The following PEPD variants were observed in gnomAD, a reference collection of about 807,000 sequenced individuals.
PEPD encodes the protein peptidase D, also known as xaa-Pro dipeptidase.
A neutral mutation model predicts 60.7 loss-of-function variants in PEPD; 53 were observed. That is an observed-to-expected ratio of 0.87 (90% CI 0.70 to 1.10). The LOEUF is 1.10. Among genes scored for constraint, PEPD ranks in the 50% least tolerant of loss-of-function variants. The pLI, the probability that PEPD is intolerant of heterozygous loss-of-function variation, is 0.00. For missense variants in PEPD, 711 were observed against 711.9 expected, an observed-to-expected ratio of 1.00 and a Z score of 0.01; for synonymous variants, 267 against 284.1, an observed-to-expected ratio of 0.94 and a Z score of 0.60.
intron 3 of PEPD, among the ~76,000 whole-genome samples, chr19:33,508,209 G>A (rs751503147): frequency 6.6e-6 from 1 of 152,200 alleles, no homozygotes; most frequent in African/African-American, 2.4e-5. Context: ...AGCCAGCAGT[G>A]AGGGCCATGA....
chr19:33,460,693 A>G (rs4362489), intron 9 of PEPD, among the ~76,000 whole-genome samples: 61,523 of 151,944 alleles, frequency 0.4, 12,978 homozygotes, highest in African/African-American at 0.52. Context: ...AGGTGGGTGC[A>G]CATGGCAGGT....
At chr19:33,459,936 C>T (rs958791487) in intron 9 of PEPD, among the ~76,000 whole-genome samples, 1 of 152,166 alleles carries the variant, frequency 6.6e-6, no homozygotes, top group African/African-American at 2.4e-5. Context: ...TAAGGATGCC[C>T]ACCTTGCTCA....
chr19:33,504,891 C>T (rs2561869), intron 3 of PEPD, among the ~76,000 whole-genome samples: 17,849 of 152,168 alleles, frequency 0.12, 1,414 homozygotes, highest in East Asian at 0.27. Context: ...TCCTCCTACC[C>T]AAAGGGGCTC....
chr19:33,406,340 C>T (rs1020978839), intron 11 of PEPD, among the ~76,000 whole-genome samples: 2 of 152,230 alleles, frequency 1.3e-5, no homozygotes, highest in Admixed American at 1.3e-4. Flanking sequence ...GGGCAGGTGT[C>T]TGCTCATAAC....
At chr19:33,465,166 C>T (rs993090948) in intron 7 of PEPD, among the ~76,000 whole-genome samples, 3 of 152,166 alleles carry the variant, frequency 2.0e-5, no homozygotes, top group African/African-American at 7.2e-5. Flanking sequence ...ACACTTGTTC[C>T]AGAAACCAAG....
intron 9 of PEPD, among the ~76,000 whole-genome samples, chr19:33,446,035 C>T (rs373119561): frequency 6.6e-6 from 1 of 152,166 alleles, no homozygotes; most frequent in African/African-American, 2.4e-5. Flanking sequence ...GCAGCCTGTT[C>T]GGGATTCATT....
rs1970257797 is a variant in PEPD at position 33,478,199 on chromosome 19, A to G, written c.504-109T>C. The stretch of plus-strand genomic sequence containing the variant: ...CGTGATGCATTAAAGAGGGTCCCAC[A>G]CTTTAATTTCATGACTTCCTGACCC... On this transcript the variant is annotated intron_variant, in intron 6 of 14. Transcript: ENST00000244137. The G allele has an allele frequency of 3.9e-6, 3 of 772,166 alleles. No homozygotes were observed. In the South Asian group the frequency reaches 4.4e-5, roughly 11 times the overall value. The allele number at this position is 772,166 out of a possible 1,614,324, so 47.8% of individuals were successfully genotyped here. A position where few individuals can be genotyped will look rare whatever the true frequency, so the allele number is the denominator to read the frequency against.
At chr19:33,490,400 T>C (rs1970476499) in intron 5 of PEPD, among the ~76,000 whole-genome samples, 1 of 152,330 alleles carries the variant, frequency 6.6e-6, no homozygotes, top group South Asian at 2.1e-4. Context: ...AATATAAATC[T>C]GCTCTCCCCA....
At chr19:33,458,851 T>C (rs1330852465) in intron 9 of PEPD, among the ~76,000 whole-genome samples, 1 of 5,944 alleles carries the variant, frequency 1.7e-4, no homozygotes, top group Non-Finnish European at 4.9e-4. Context: ...GTATGTGGTG[T>C]GTATGGTGTG....
chr19:33,497,619 T>C (rs1970632714), intron 4 of PEPD, among the ~76,000 whole-genome samples: 2 of 152,318 alleles, frequency 1.3e-5, no homozygotes, highest in South Asian at 2.1e-4. Flanking sequence ...AAGCGTTGGC[T>C]GTGATTTGTC....
intron 1 of PEPD, among the ~76,000 whole-genome samples, chr19:33,520,978 C>G (rs1387751363): frequency 2.6e-5 from 4 of 152,218 alleles, no homozygotes; most frequent in African/African-American, 9.6e-5. Flanking sequence ...CCCCTGTCCC[C>G]AGAACACTCT....
At chr19:33,490,141 A>G (rs1291044237) in intron 5 of PEPD, 84 bp from the exon 6 acceptor site, 3 of 916,894 alleles carry the variant, frequency 3.3e-6, no homozygotes, top group Non-Finnish European at 5.3e-6. Context: ...AGCTAGGCTC[A>G]GGACAGGTAA....
intron 7 of PEPD, among the ~76,000 whole-genome samples, chr19:33,469,499 G>A (rs941260889): frequency 6.6e-6 from 1 of 152,150 alleles, no homozygotes; most frequent in Non-Finnish European, 1.5e-5. Context: ...CTTGGAGCGC[G>A]CAGCAGCCAG....
intron 9 of PEPD, among the ~76,000 whole-genome samples, chr19:33,454,438 C>T (rs1969758129): frequency 6.6e-6 from 1 of 151,916 alleles, no homozygotes; most frequent in Non-Finnish European, 1.5e-5. Context: ...CCTGTCTCTA[C>T]TAAAAATACA....
intron 9 of PEPD, among the ~76,000 whole-genome samples, chr19:33,460,584 C>G (rs956531504): frequency 2.0e-5 from 3 of 152,170 alleles, no homozygotes; most frequent in Non-Finnish European, 4.4e-5. Flanking sequence ...GTCTCAGTCC[C>G]CGTACCCACC....
In PEPD at chr19:33,520,749, T is replaced by C. The variant is rs113028564; in HGVS notation, c.17+995A>G. Among the ~76,000 whole-genome samples, 18 of 152,236 alleles carry C rather than the reference T, an allele frequency of 1.2e-4. 2 individuals carry two copies. Among genetic ancestry groups the C allele is most frequent in the African/African-American group, 4.3e-4 (18 of 41,536 alleles). ...CCCATTCTGACCTCAGTTTCCAACCTGGCATCTGGAATACTGCTCCCTCCT... is the reference window on the plus strand; with the variant it reads ...CCCATTCTGACCTCAGTTTCCAACCCGGCATCTGGAATACTGCTCCCTCCT... On this transcript the variant is annotated intron_variant, in intron 1 of 14. Transcript: ENST00000244137.
chr19:33,391,316 G>C lies in PEPD; in HGVS notation c.1131C>G (p.His377Gln), dbSNP rs17569. ...GLGHFLGIDV[H>Q]DVGGYPEGVE... Reference sequence around the variant, plus strand: ...TGACCTCTGGGTAGCCTCCCACGTCGTGCACGTCAATGCCCAGGAAGTGGC... The same window carrying C: ...TGACCTCTGGGTAGCCTCCCACGTCCTGCACGTCAATGCCCAGGAAGTGGC... Residue 377 changes from histidine to glutamine, a missense_variant, in exon 13 of 15, where the codon CAC (histidine) becomes CAG (glutamine). His to Gln is a conservative substitution (Grantham distance 24). Coordinates refer to ENST00000244137, the MANE Select transcript of PEPD (RefSeq NM_000285.4). 6.2e-7 allele frequency: 1 copy of C among 1,611,322 alleles called. No individual in the cohort carries two copies. The highest frequency in any genetic ancestry group is 2.2e-5 in the East Asian group (1 of 44,810).
At chr19:33,418,093 G>A (rs55889471) in intron 9 of PEPD, among the ~76,000 whole-genome samples, 10,256 of 152,290 alleles carry the variant, frequency 0.067, 446 homozygotes, top group Middle Eastern at 0.11. Flanking sequence ...CCCGGGGTGC[G>A]CCCAGGACTG....
At chr19:33,510,015 G>C (rs929804165) in intron 3 of PEPD, among the ~76,000 whole-genome samples, 1 of 152,218 alleles carries the variant, frequency 6.6e-6, no homozygotes, top group African/African-American at 2.4e-5. Context: ...CAGAGAGGCG[G>C]TTCCCCGATC....
Sources: gnomAD v4.1 joint callset for allele counts (sites outside exome capture counted in the v4.1 genomes callset) on GRCh38, gnomAD v4.1.1 for gene constraint, MANE v1.5 for transcripts, NCBI Gene and HGNC (gene_info 2026-07-23, HGNC 2026-07-21) for gene names.